Variants in ADARB2 observed in about 807,000 individuals in gnomAD.
The protein encoded by ADARB2 is inactive double-stranded RNA-specific editase B2.
ADARB2 carries 25 observed loss-of-function variants against 62.2 expected under a neutral mutation model. The ratio of observed to expected loss-of-function variants is 0.40; its 90% CI spans 0.29 to 0.56. The LOEUF is 0.56. ADARB2 is among the 20% of genes least tolerant of loss of function. ADARB2 has a pLI of 0.43. For synonymous variants in ADARB2, 572 were observed against 500.8 expected (o/e 1.14, Z -1.90); for missense variants, 1,071 against 1,077.4 (o/e 0.99, Z 0.08).
At chr10:1,315,255 T>A (rs1589189823) in intron 3 of ADARB2, among the ~76,000 whole-genome samples, 1 of 152,096 alleles carries the variant, frequency 6.6e-6, no homozygotes, top group Admixed American at 6.5e-5. Context: ...GTGCTGCAGG[T>A]GACAGGGTGA....
intron 1 of ADARB2, among the ~76,000 whole-genome samples, chr10:1,641,604 A>T (rs891353385): frequency 1.3e-5 from 2 of 152,174 alleles, no homozygotes; most frequent in Non-Finnish European, 2.9e-5. Flanking sequence ...TTGCTGCGAG[A>T]GTGTGGCTGG....
intron 3 of ADARB2, among the ~76,000 whole-genome samples, chr10:1,320,663 T>C (rs1440736785): frequency 6.6e-6 from 1 of 152,266 alleles, no homozygotes; most frequent in Non-Finnish European, 1.5e-5. Flanking sequence ...ATAGCTGTCC[T>C]TCTGCCAGAG....
intron 1 of ADARB2, among the ~76,000 whole-genome samples, chr10:1,534,143 T>G (rs533051920): frequency 2.0e-5 from 3 of 151,202 alleles, no homozygotes; most frequent in South Asian, 4.2e-4. Context: ...AATAGTTTTT[T>G]TTTTTTTTTT....
chr10:1,332,992 T>A (rs1302764350), intron 3 of ADARB2, among the ~76,000 whole-genome samples: 6 of 152,188 alleles, frequency 3.9e-5, no homozygotes, highest in Admixed American at 3.9e-4. Context: ...CTGACAACCT[T>A]CCTCTGTTAG....
chr10:1,721,467 T>A (rs1417055124), intron 1 of ADARB2, among the ~76,000 whole-genome samples: 3 of 152,182 alleles, frequency 2.0e-5, no homozygotes, highest in Non-Finnish European at 2.9e-5. Context: ...CTGAATTAGG[T>A]GGGCTTGCTG....
chr10:1,281,818 T>C (rs2131805537), intron 3 of ADARB2, among the ~76,000 whole-genome samples: 1 of 152,378 alleles, frequency 6.6e-6, no homozygotes, highest in Middle Eastern at 3.4e-3. Flanking sequence ...TCCTTTTTTC[T>C]TTATTCTTTA....
intron 1 of ADARB2, among the ~76,000 whole-genome samples, chr10:1,616,184 T>C (rs1274148536): frequency 6.6e-5 from 10 of 152,218 alleles, no homozygotes; most frequent in Admixed American, 6.5e-4. Flanking sequence ...AGGAAGGGCA[T>C]TGATGGTGGC....
At chr10:1,531,419 A>T (rs898418966) in intron 1 of ADARB2, among the ~76,000 whole-genome samples, 1 of 152,150 alleles carries the variant, frequency 6.6e-6, no homozygotes, top group Non-Finnish European at 1.5e-5. Context: ...CTTAATTAAA[A>T]ATCCTCCTTC....
At chr10:1,659,410 C>T (rs1050868495) in intron 1 of ADARB2, among the ~76,000 whole-genome samples, 4 of 152,156 alleles carry the variant, frequency 2.6e-5, no homozygotes, top group African/African-American at 7.2e-5. Context: ...GGGGTCCCCA[C>T]GCGACATCTA....
intron 1 of ADARB2, among the ~76,000 whole-genome samples, chr10:1,409,091 C>A (rs1832732112): frequency 6.6e-6 from 1 of 152,206 alleles, no homozygotes; most frequent in African/African-American, 2.4e-5. Flanking sequence ...TACCCTGGAC[C>A]CTTGGACATG....
At chr10:1,498,812 A>C (rs1294300506) in intron 1 of ADARB2, among the ~76,000 whole-genome samples, 5 of 152,216 alleles carry the variant, frequency 3.3e-5, no homozygotes, top group African/African-American at 1.2e-4. Flanking sequence ...CTCATCATTC[A>C]TTCATTATTC....
At chr10:1,579,408 T>G (rs1434543089) in intron 1 of ADARB2, among the ~76,000 whole-genome samples, 1 of 152,186 alleles carries the variant, frequency 6.6e-6, no homozygotes, top group Non-Finnish European at 1.5e-5. Flanking sequence ...AGTATGCACA[T>G]AACAGCAAGT....
intron 1 of ADARB2, among the ~76,000 whole-genome samples, chr10:1,658,206 GTCTC>G (rs968377362): frequency 4.7e-5 from 7 of 148,690 alleles, no homozygotes; most frequent in East Asian, 4.0e-4. Context: ...GTCTTTTTCT[GTCTC>G]TCTCTGTCTC....
chr10:1,714,249 G>A (rs1834987952), intron 1 of ADARB2, among the ~76,000 whole-genome samples: 1 of 152,350 alleles, frequency 6.6e-6, no homozygotes, highest in South Asian at 2.1e-4. Flanking sequence ...GTTCGCAGCT[G>A]TCATTGTGAA....
intron 1 of ADARB2, among the ~76,000 whole-genome samples, chr10:1,683,109 C>A (rs1834559678): frequency 6.6e-6 from 1 of 152,178 alleles, no homozygotes; most frequent in African/African-American, 2.4e-5. Context: ...ATGGGATAGA[C>A]ATGATTTCTC....
intron 3 of ADARB2, among the ~76,000 whole-genome samples, chr10:1,317,786 C>T (rs1589190543): frequency 1.3e-5 from 2 of 151,796 alleles, no homozygotes; most frequent in Middle Eastern, 6.8e-3. Flanking sequence ...TGGCTCTGGT[C>T]TCTGTGGGCC....
chr10:1,447,012 A>G (rs1311105476), intron 1 of ADARB2, among the ~76,000 whole-genome samples: 3 of 152,220 alleles, frequency 2.0e-5, no homozygotes, highest in Admixed American at 6.5e-5. Context: ...TGATTATTTA[A>G]TCACTTAATT....
At chr10:1,673,325 T>C (rs1485766830) in intron 1 of ADARB2, among the ~76,000 whole-genome samples, 1 of 151,702 alleles carries the variant, frequency 6.6e-6, no homozygotes, top group Admixed American at 6.6e-5. Flanking sequence ...TGTGTGTGTG[T>C]GTGTGTGTGT....
intron 1 of ADARB2, among the ~76,000 whole-genome samples, chr10:1,681,435 C>T (rs186072295): frequency 3.2e-4 from 49 of 151,178 alleles, no homozygotes; most frequent in Non-Finnish European, 5.3e-4. Context: ...CTTCCTGTGA[C>T]GAGAAAGTCT....
Sources: gnomAD v4.1 joint callset for allele counts (sites outside exome capture counted in the v4.1 genomes callset) on GRCh38, gnomAD v4.1.1 for gene constraint, MANE v1.5 for transcripts, NCBI Gene and HGNC (gene_info 2026-07-23, HGNC 2026-07-21) for gene names.